Variants in SLIT3 observed in about 807,000 individuals in gnomAD.
SLIT3 encodes the protein slit homolog 3 protein.
A neutral mutation model predicts 184.0 loss-of-function variants in SLIT3; 68 were observed. The ratio of observed to expected loss-of-function variants is 0.37; its 90% CI spans 0.30 to 0.45. SLIT3 has a LOEUF of 0.45. Among genes scored for constraint, SLIT3 ranks in the 20% least tolerant of loss-of-function variants. The probability of loss-of-function intolerance (pLI) is 1.00; values close to 1 mark genes in which losing one functional copy is unlikely to be tolerated. For synonymous variants in SLIT3, 831 were observed against 828.6 expected, an observed-to-expected ratio of 1.00 and a Z score of -0.05; for missense variants, 1,707 against 2,026.0, an observed-to-expected ratio of 0.84 and a Z score of 3.02.
chr5:169,090,765 C>G (rs1759553318), intron 4 of SLIT3, among the ~76,000 whole-genome samples: 1 of 152,168 alleles, frequency 6.6e-6, no homozygotes. Flanking sequence ...CCACCACAAG[C>G]CAAGGAATGC....
chr5:168,873,571 A>G (rs1759617803), intron 5 of SLIT3, among the ~76,000 whole-genome samples: 1 of 152,114 alleles, frequency 6.6e-6, no homozygotes, highest in African/African-American at 2.4e-5. Flanking sequence ...CAGAGGCTGC[A>G]GTAAGCCAAG....
chr5:168,856,766 C>CGTGTGTGTGTGTGT (rs372608852), intron 5 of SLIT3, among the ~76,000 whole-genome samples: 30 of 132,926 alleles, frequency 2.3e-4, no homozygotes, highest in African/African-American at 7.2e-4. Flanking sequence ...CTGAGTTCCT[C>CGTGTGTGTGTGTGT]GTGTGTGTGT....
chr5:168,747,882 C>A lies in SLIT3; in HGVS notation c.2270+420G>T, dbSNP rs1754543158. On this transcript the variant is annotated intron_variant, in intron 20 of 35. Coordinates refer to ENST00000519560, the MANE Select transcript of SLIT3 (RefSeq NM_003062.4). ...CCTATTCAGAAAAGTGCTTTGTAAG[C>A]CACGGTGCCCGCTGGACAATGTTTT... 3.3e-5 allele frequency among the ~76,000 whole-genome samples: 5 copies of A among 152,252 alleles called. No homozygotes were observed. In the South Asian group the frequency reaches 8.3e-4, roughly 25 times the overall value.
intron 6 of SLIT3, among the ~76,000 whole-genome samples, chr5:168,825,812 T>G (rs1325949367): frequency 6.6e-6 from 1 of 152,174 alleles, no homozygotes; most frequent in Non-Finnish European, 1.5e-5. Context: ...TTCCTGGGGG[T>G]GAGGGCTATG....
chr5:169,017,633 G>A (rs568834947), intron 4 of SLIT3, among the ~76,000 whole-genome samples: 30 of 152,198 alleles, frequency 2.0e-4, no homozygotes, highest in Non-Finnish European at 3.4e-4. Flanking sequence ...CCTCTGCATG[G>A]CAATGGGCTA....
intron 1 of SLIT3, among the ~76,000 whole-genome samples, chr5:169,286,488 C>T (rs1047265660): frequency 6.6e-6 from 1 of 152,126 alleles, no homozygotes; most frequent in African/African-American, 2.4e-5. Context: ...ATCCCAGCCC[C>T]CAGAAGTGAG....
chr5:169,281,195 T>C (rs1766980418), intron 1 of SLIT3, among the ~76,000 whole-genome samples: 1 of 152,176 alleles, frequency 6.6e-6, no homozygotes, highest in Non-Finnish European at 1.5e-5. Flanking sequence ...TATTATAAAA[T>C]GGTAGGGGGA....
At chr5:168,773,077 T>C (rs1196093818) in intron 13 of SLIT3, 133 bp from the exon 14 acceptor site, 1 of 892,780 alleles carries the variant, frequency 1.1e-6, no homozygotes, top group African/African-American at 1.7e-5. Flanking sequence ...CCAGGAAGCC[T>C]TAGGGGGTGC....
intron 1 of SLIT3, among the ~76,000 whole-genome samples, chr5:169,273,608 A>G (rs1364537608): frequency 2.0e-5 from 3 of 152,214 alleles, no homozygotes; most frequent in Non-Finnish European, 2.9e-5. Context: ...TAAAGGCCCC[A>G]GGTGATTTCA....
chr5:168,701,185 T>C (rs1302535042), intron 26 of SLIT3, among the ~76,000 whole-genome samples: 1 of 152,192 alleles, frequency 6.6e-6, no homozygotes, highest in Non-Finnish European at 1.5e-5. Flanking sequence ...ACCTAGCACA[T>C]AGTAGGCATT....
intron 24 of SLIT3, among the ~76,000 whole-genome samples, chr5:168,712,056 A>G (rs1171573166): frequency 6.6e-6 from 1 of 152,224 alleles, no homozygotes; most frequent in African/African-American, 2.4e-5. Context: ...CATGTTTTCT[A>G]TTAGTTCTTA....
intron 13 of SLIT3, among the ~76,000 whole-genome samples, chr5:168,773,635 C>T (rs1024743774): frequency 3.3e-5 from 5 of 152,136 alleles, no homozygotes; most frequent in Non-Finnish European, 7.3e-5. Flanking sequence ...ATGCCTGAGA[C>T]TGGAGCCATC....
intron 4 of SLIT3, among the ~76,000 whole-genome samples, chr5:169,178,273 C>A (rs1763042871): frequency 1.3e-5 from 2 of 152,208 alleles, no homozygotes; most frequent in East Asian, 3.9e-4. Context: ...TAAGCAGGTA[C>A]CTTTGGGCTG....
intron 8 of SLIT3, among the ~76,000 whole-genome samples, chr5:168,812,374 T>C (rs59809465): frequency 0.13 from 20,209 of 152,200 alleles, 1,708 homozygotes; most frequent in East Asian, 0.29. Context: ...CCAACACAAA[T>C]GTATGAGGTG....
At chr5:168,829,582 T>C (rs375327342) in intron 6 of SLIT3, among the ~76,000 whole-genome samples, 1 of 152,378 alleles carries the variant, frequency 6.6e-6, no homozygotes, top group South Asian at 2.1e-4. Flanking sequence ...TCAGCCACCA[T>C]GACGACAGGA....
Position 168,671,435 on chromosome 5 carries a change from C to G in SLIT3, c.3890G>C (p.Arg1297Pro). The G allele has an allele frequency of 6.2e-7, 1 of 1,613,538 alleles. No homozygotes were observed. The highest frequency in any genetic ancestry group is 8.5e-7 in the Non-Finnish European group (1 of 1,179,868). Residue 1297 changes from arginine to proline, a missense_variant, in exon 34 of 36, where the codon CGG becomes CCG. By Grantham distance (103) the Arg-to-Pro change is moderately radical. Around this residue, in one of 3 missense-constraint regions of SLIT3, gnomAD observed 387 missense variants for 477.9 expected, o/e 0.81. Coordinates refer to ENST00000519560, the MANE Select transcript of SLIT3 (RefSeq NM_003062.4). ...GLSALRQGTD[R>P]PLGGFHGCIH... ...GCATCCGTGGAAGCCGCCTAGAGGC[C>G]GGTCCGTGCCCTGGCGCAAGGCAGA... is the stretch of plus-strand genomic sequence containing the variant.
chr5:168,711,786 AAC>A (rs1762568611), intron 24 of SLIT3, among the ~76,000 whole-genome samples: 1 of 152,216 alleles, frequency 6.6e-6, no homozygotes, highest in Admixed American at 6.5e-5. Flanking sequence ...CTGATAGTCA[AAC>A]TTTAGCTAGT....
chr5:169,229,218 T>A (rs1056285165), intron 3 of SLIT3, among the ~76,000 whole-genome samples: 1 of 151,636 alleles, frequency 6.6e-6, no homozygotes, highest in African/African-American at 2.4e-5. Context: ...TCAGCTATTT[T>A]TTTTTTCCAA....
At chr5:168,714,295 A>ATTGT (rs1268256648) in intron 23 of SLIT3, among the ~76,000 whole-genome samples, 1 of 152,200 alleles carries the variant, frequency 6.6e-6, no homozygotes, top group East Asian at 1.9e-4. Flanking sequence ...ACCCAGCTTT[A>ATTGT]TTGTTAGTCA....
Sources: gnomAD v4.1 joint callset for allele counts (sites outside exome capture counted in the v4.1 genomes callset) on GRCh38, gnomAD v4.1.1 for gene constraint, gnomAD v4.1.1 regional missense constraint, MANE v1.5 for transcripts, NCBI Gene and HGNC (gene_info 2026-07-23, HGNC 2026-07-21) for gene names.